Variants in TCF7 observed in about 807,000 individuals in gnomAD.
TCF7 encodes the protein T-cell-factor-7.
A neutral mutation model predicts 46.8 loss-of-function variants in TCF7; 19 were observed. The observed-to-expected ratio is 0.41, with a 90% CI of 0.28 to 0.60. TCF7 has a LOEUF of 0.60. Among genes scored for constraint, TCF7 ranks in the 20% least tolerant of loss-of-function variants. The pLI, the probability that TCF7 is intolerant of heterozygous loss-of-function variation, is 0.35. For missense variants in TCF7, 547 were observed against 504.6 expected (o/e 1.08, Z -0.81); for synonymous variants, 245 against 213.4 (o/e 1.15, Z -1.29).
intron 3 of TCF7, among the ~76,000 whole-genome samples, chr5:134,124,484 G>A (rs1476409308): frequency 6.6e-6 from 1 of 152,128 alleles, no homozygotes; most frequent in Non-Finnish European, 1.5e-5. Context: ...CTGGCCTGGG[G>A]TGAGCCTGAG....
intron 3 of TCF7, among the ~76,000 whole-genome samples, chr5:134,132,513 C>T (rs763224474): frequency 6.6e-6 from 1 of 152,238 alleles, no homozygotes; most frequent in Non-Finnish European, 1.5e-5. Flanking sequence ...TCCCCTACCC[C>T]CCACAGGCTT....
In TCF7 at chr5:134,119,330, G is replaced by A. The variant is rs182630640; in HGVS notation, c.441+3297G>A. ...GGATTAGTGCTTGCCAGGGGCTGAC[G>A]GAAGAGGGGCCCAGGGAGCGACTGC... On this transcript the variant is annotated intron_variant, in intron 3 of 9. Coordinates refer to ENST00000342854, the MANE Select transcript of TCF7 (RefSeq NM_003202.5). 5.9e-5 allele frequency among the ~76,000 whole-genome samples: 9 copies of A among 152,286 alleles called. No individual in the cohort carries two copies. In the East Asian group the frequency reaches 1.5e-3, roughly 26 times the overall value.
intron 4 of TCF7, chr5:134,138,662 C>T (rs1759269550): frequency 2.5e-6 from 1 of 392,472 alleles, no homozygotes; most frequent in African/African-American, 2.0e-5. Context: ...GCTGGAGTCC[C>T]CCGAGCAGAG....
chr5:134,134,082 ACTC>A (rs1274572597), intron 3 of TCF7, among the ~76,000 whole-genome samples: 1 of 151,932 alleles, frequency 6.6e-6, no homozygotes, highest in Non-Finnish European at 1.5e-5. Flanking sequence ...CCTGGCCAAA[ACTC>A]CTGTGGGTAG....
rs1381363026 is a variant in TCF7, at chr5:134,146,262, G to A, written c.1114G>A (p.Ala372Thr). The A allele has an allele frequency of 1.2e-6, 2 of 1,614,048 alleles. No individual in the cohort carries two copies. Among genetic ancestry groups the A allele is most frequent in the Non-Finnish European group, 1.7e-6 (2 of 1,180,040 alleles). Residue 372 changes from alanine (A) to threonine (T), a missense_variant, in exon 10 of 10, where the codon GCC becomes ACC. Coordinates refer to ENST00000342854, the MANE Select transcript of TCF7 (RefSeq NM_003202.5). ...TGCATTCGGTACTTACCCGGAGAAG[G>A]CCGCTGCCCCAGCCCCGTTCCTTCC... ...RNAFGTYPEK[A>T]AAPAPFLPMT...
chr5:134,139,956 T>C (rs1759490577), intron 5 of TCF7: 1 of 152,244 alleles, frequency 6.6e-6, no homozygotes, highest in Non-Finnish European at 1.5e-5. Context: ...GAGCCCAGCC[T>C]TACTGGACTA....
intron 9 of TCF7, chr5:134,145,364 G>T: frequency 7.3e-6 from 4 of 547,446 alleles, no homozygotes; most frequent in South Asian, 5.6e-5. Flanking sequence ...TTGCTATCTT[G>T]TACCTACTGA....
In TCF7 at chr5:134,114,858, C is replaced by G. The variant is rs1398750645; in HGVS notation, c.-49C>G. 16 of 983,136 alleles carry G rather than the reference C, an allele frequency of 1.6e-5. No homozygotes were observed. Among genetic ancestry groups the G allele is most frequent in the Non-Finnish European group, 1.9e-5 (16 of 829,968 alleles). The allele number at this position is 983,136 out of a possible 1,614,324, so 60.9% of individuals were successfully genotyped here. A position where few individuals can be genotyped will look rare whatever the true frequency, so the allele number is the denominator to read the frequency against. ...CCGCCCCCCGGGCCGGCTCCGCGCC[C>G]CGCACTCCCGGCGCCCAGCGCCCCG... On this transcript the variant is annotated 5_prime_UTR_variant, in exon 1 of 10. Coordinates refer to ENST00000342854, the MANE Select transcript of TCF7 (RefSeq NM_003202.5).
At chr5:134,138,509 C>G (rs1217816538) in intron 4 of TCF7, 1 of 298,572 alleles carries the variant, frequency 3.3e-6, no homozygotes, top group African/African-American at 2.1e-5. Flanking sequence ...TGATTCACCT[C>G]AGCCTCAGGC....
At position 134,146,626 on chromosome 5, in the gene TCF7, G is replaced by T; in HGVS notation, c.*323G>T. 1 of 672,216 alleles carries T rather than the reference G, an allele frequency of 1.5e-6. No homozygotes were observed. The highest frequency in any genetic ancestry group is 2.7e-6 in the Non-Finnish European group (1 of 373,574). 41.6% of individuals were successfully genotyped at this position (672,216 alleles called of 1,614,324 possible). ...GGGGTCCTGTTAACGTCATCTCAGG[G>T]TCCAGACCCTGAAGATTTCAGAGGC... On this transcript the variant is annotated 3_prime_UTR_variant, in exon 10 of 10. Transcript: ENST00000342854.
intron 9 of TCF7, chr5:134,144,517 CCA>C (rs776364457): frequency 1.1e-5 from 5 of 450,412 alleles, no homozygotes; most frequent in Non-Finnish European, 2.0e-5. Flanking sequence ...GCCCCACAAG[CCA>C]CAGAGATGAG....
At chr5:134,126,373 AG>A (rs1355853177) in intron 3 of TCF7, among the ~76,000 whole-genome samples, 4 of 152,182 alleles carry the variant, frequency 2.6e-5, no homozygotes, top group Non-Finnish European at 5.9e-5. Flanking sequence ...GCCATGTTGC[AG>A]GGGGTGGTGT....
chr5:134,117,294 G>A (rs891898289), intron 3 of TCF7, among the ~76,000 whole-genome samples: 10 of 152,188 alleles, frequency 6.6e-5, no homozygotes, highest in African/African-American at 2.4e-4. Context: ...GCATTCCCCC[G>A]CTGATGTAGT....
chr5:134,111,080 G>C (rs74777190), upstream of TCF7, among the ~76,000 whole-genome samples: 2 of 152,326 alleles, frequency 1.3e-5, no homozygotes, highest in East Asian at 3.9e-4. Context: ...CACTCCAACA[G>C]AGCAGGGCAG....
intron 5 of TCF7, chr5:134,141,889 T>A (rs1759834383): frequency 3.8e-6 from 1 of 264,440 alleles, no homozygotes. Context: ...CACAGGCTCC[T>A]GAGGCTGGGT....
Position 134,138,080 on chromosome 5 carries a change from C to T in TCF7, c.463C>T (p.His155Tyr), listed in dbSNP as rs756616925. The T allele has an allele frequency of 7.5e-6, 12 of 1,607,032 alleles. No individual in the cohort carries two copies. The highest frequency in any genetic ancestry group is 4.5e-5 in the East Asian group (2 of 44,446). ...PPLHKANQPPHGVPQLSLYEH... is the reference protein window; with the variant it reads ...PPLHKANQPPYGVPQLSLYEH... ...TCAGCACAAGGCCAATCAGCCCCCC[C>T]ACGGTGTCCCCCAACTCTCTCTCTA... is the stretch of plus-strand genomic sequence containing the variant. Residue 155 changes from histidine (H) to tyrosine (Y), a missense_variant, in exon 4 of 10, where the codon CAC (histidine) becomes TAC (tyrosine). Coordinates refer to ENST00000342854, the MANE Select transcript of TCF7 (RefSeq NM_003202.5).
At chr5:134,122,391 G>C (rs1286472821) in intron 3 of TCF7, among the ~76,000 whole-genome samples, 7 of 152,106 alleles carry the variant, frequency 4.6e-5, no homozygotes, top group Non-Finnish European at 8.8e-5. Context: ...GCTCTACCAG[G>C]TTCCACCAAG....
In TCF7 at chr5:134,115,086, G is replaced by A; in HGVS notation, c.180G>A (p.Glu60=). 2.7e-6 allele frequency: 3 copies of A among 1,104,156 alleles called. No individual in the cohort carries two copies. The highest frequency in any genetic ancestry group is 4.0e-4 in the Middle Eastern group (1 of 2,524). 68.4% of individuals were successfully genotyped at this position (1,104,156 alleles called of 1,614,324 possible). A position where few individuals can be genotyped will look rare whatever the true frequency, so the allele number is the denominator to read the frequency against. Residue 60 remains glutamate (E), a synonymous_variant, in exon 1 of 10, where the codon GAG becomes GAA. Transcript: ENST00000342854. The part of the protein sequence containing the change: ...ELKSSLVNES[E]GAAGGAGIPG... ...AGTCGTCGCTCGTGAACGAGTCCGA[G>A]GGCGCGGCCGGCGGCGCAGGGATCC...
At chr5:134,132,403 G>A (rs927482047) in intron 3 of TCF7, among the ~76,000 whole-genome samples, 5 of 152,138 alleles carry the variant, frequency 3.3e-5, no homozygotes, top group Non-Finnish European at 5.9e-5. Context: ...TACCAATAGC[G>A]ACCAGCTGAG....
Sources: gnomAD v4.1 joint callset for allele counts (sites outside exome capture counted in the v4.1 genomes callset) on GRCh38, gnomAD v4.1.1 for gene constraint, MANE v1.5 for transcripts, NCBI Gene and HGNC (gene_info 2026-07-23, HGNC 2026-07-21) for gene names.